CNPPD1: variants seen among roughly 807,000 people sequenced by gnomAD.
CNPPD1 encodes protein CNPPD1.
A neutral mutation model predicts 43.7 loss-of-function variants in CNPPD1; 40 were observed. The ratio of observed to expected loss-of-function variants is 0.92; its 90% CI spans 0.71 to 1.19. The LOEUF (loss-of-function observed/expected upper bound fraction) is 1.19, where lower values mean the gene tolerates loss of function less well. Among genes scored for constraint, CNPPD1 ranks in the 50% most tolerant of loss-of-function variants. The probability of loss-of-function intolerance (pLI) is 0.00; values close to 1 mark genes in which losing one functional copy is unlikely to be tolerated. For missense variants in CNPPD1, 511 were observed against 518.5 expected (o/e 0.99, Z 0.14); for synonymous variants, 208 against 214.3 (o/e 0.97, Z 0.26).
chr2:219,172,393 C>T lies in CNPPD1; in HGVS notation c.*193G>A. On this transcript the variant is annotated 3_prime_UTR_variant, in exon 8 of 8. Coordinates refer to ENST00000360507, the MANE Select transcript of CNPPD1 (RefSeq NM_015680.6). Reference sequence around the variant, plus strand: ...TCCCTGGCGGCATCACTGTCCTGGCCAAGCAGCCAGCCACTGCGATCTAGG... The same window carrying T: ...TCCCTGGCGGCATCACTGTCCTGGCTAAGCAGCCAGCCACTGCGATCTAGG... The T allele has an allele frequency of 1.5e-6, 1 of 655,256 alleles. No individual in the cohort carries two copies. Among genetic ancestry groups the T allele is most frequent in the Non-Finnish European group, 2.7e-6 (1 of 375,836 alleles). The allele number at this position is 655,256 out of a possible 1,614,324, so 40.6% of individuals were successfully genotyped here.
rs764464830 is a variant in CNPPD1, at chr2:219,173,361, G to T, written c.679C>A (p.Arg227=). The part of the protein sequence containing the change: ...WQLALGSLCQ[R]LVKLSCLLAV... ...GAGCCCCTCCTCACCTTTACCAGCC[G>T]CTGGCAGAGGGAGCCCAGGGCCAAC... The change falls in exon 7 of 8, where the codon CGG becomes AGG. Residue 227 remains arginine, a synonymous_variant. Coordinates refer to ENST00000360507, the MANE Select transcript of CNPPD1 (RefSeq NM_015680.6). 2 of 1,612,944 alleles carry T rather than the reference G, an allele frequency of 1.2e-6. No homozygotes were observed. Among genetic ancestry groups the T allele is most frequent in the South Asian group, 2.2e-5 (2 of 91,026 alleles).
chr2:219,178,105 C>T, upstream of CNPPD1: 1 of 246,842 alleles, frequency 4.1e-6, no homozygotes, highest in East Asian at 8.7e-5. Flanking sequence ...GGTACTTCGT[C>T]AACCAGAAAA....
chr2:219,174,121 C>A, intron 6 of CNPPD1, 25 bp downstream of exon 6: 1 of 1,613,496 alleles, frequency 6.2e-7, no homozygotes, highest in Non-Finnish European at 8.5e-7. Flanking sequence ...CCCTCGAGCC[C>A]TTCTTCCCAA....
chr2:219,172,555 A>G lies in CNPPD1; in HGVS notation c.*31T>C. Reference sequence around the variant, plus strand: ...TCCTCCAGGTTCTCAGAAACTCCCAAACCCTCTTAATGCATTCCTCACAGC... The same window carrying G: ...TCCTCCAGGTTCTCAGAAACTCCCAGACCCTCTTAATGCATTCCTCACAGC... On this transcript the variant is annotated 3_prime_UTR_variant, in exon 8 of 8. Coordinates refer to ENST00000360507, the MANE Select transcript of CNPPD1 (RefSeq NM_015680.6). 1.2e-6 allele frequency: 2 copies of G among 1,611,908 alleles called. No homozygotes were observed. Among genetic ancestry groups the G allele is most frequent in the Non-Finnish European group, 8.5e-7 (1 of 1,178,180 alleles).
chr2:219,175,396 C>G (rs1398612717), intron 3 of CNPPD1, among the ~76,000 whole-genome samples, 195 bp downstream of exon 3: 1 of 151,574 alleles, frequency 6.6e-6, no homozygotes, highest in African/African-American at 2.4e-5. Context: ...ACTGGGGAGG[C>G]TGAGGCACAA....
At chr2:219,173,155 G>GA (rs1273609720) in intron 7 of CNPPD1, 27 bp from the exon 8 acceptor site, 2 of 1,539,046 alleles carry the variant, frequency 1.3e-6, no homozygotes, top group Non-Finnish European at 1.7e-6. Context: ...AAGAAAGAAG[G>GA]AATCTGTCTT....
At chr2:219,176,456 C>T in intron 1 of CNPPD1, 125 bp from the exon 2 acceptor site, 1 of 722,508 alleles carries the variant, frequency 1.4e-6, no homozygotes. Context: ...CGTGCCTTAC[C>T]CAGACCCGCG....
intron 5 of CNPPD1, 112 bp from the exon 6 acceptor site, chr2:219,174,319 A>C (rs1207898549): frequency 9.5e-7 from 1 of 1,055,088 alleles, no homozygotes; most frequent in South Asian, 1.3e-5. Flanking sequence ...CATATTTGGC[A>C]CTTACCATGT....
At position 219,172,673 on chromosome 2, in the gene CNPPD1, C is replaced by G. The variant is rs368212135; in HGVS notation, c.1146G>C (p.Val382=). The G allele has an allele frequency of 6.2e-7, 1 of 1,614,078 alleles. No individual in the cohort carries two copies. The highest frequency in any genetic ancestry group is 8.5e-7 in the Non-Finnish European group (1 of 1,179,974). Residue 382 remains valine, a synonymous_variant, in exon 8 of 8, where the codon GTG becomes GTC. Coordinates refer to ENST00000360507, the MANE Select transcript of CNPPD1 (RefSeq NM_015680.6). ...GLAPPWPWSP[V]LLSLPQPQQC... ...GCTGAGGCTGAGGAAGTGAAAGGAGCACCGGGCTCCAAGGCCAGGGGGGAG... is the reference window on the plus strand; with the variant it reads ...GCTGAGGCTGAGGAAGTGAAAGGAGGACCGGGCTCCAAGGCCAGGGGGGAG...
chr2:219,177,515 G>A (rs1411937475), upstream of CNPPD1, among the ~76,000 whole-genome samples: 1 of 152,074 alleles, frequency 6.6e-6, no homozygotes, highest in African/African-American at 2.4e-5. Flanking sequence ...ATTTAGCAGT[G>A]GGTGAACTAT....
chr2:219,176,014 G>A (rs910058293), intron 2 of CNPPD1, among the ~76,000 whole-genome samples: 13 of 152,214 alleles, frequency 8.5e-5, no homozygotes, highest in African/African-American at 3.1e-4. Context: ...TAAATCAAGA[G>A]TGATTTGTAT....
chr2:219,173,268 G>A lies in CNPPD1; in HGVS notation c.690+82C>T, dbSNP rs902433610. 7 of 1,460,704 alleles carry A rather than the reference G, an allele frequency of 4.8e-6. No homozygotes were observed. In the African/African-American group the frequency reaches 7.0e-5, roughly 15 times the overall value. 90.5% of individuals were successfully genotyped at this position (1,460,704 alleles called of 1,614,324 possible). A position where few individuals can be genotyped will look rare whatever the true frequency, so the allele number is the denominator to read the frequency against. Reference sequence around the variant, plus strand: ...CATCTATTCCCAACCCCATCTCCTGGGCTTTTCAGCAATCACTTCACACCA... The same window carrying A: ...CATCTATTCCCAACCCCATCTCCTGAGCTTTTCAGCAATCACTTCACACCA... On this transcript the variant is annotated intron_variant, in intron 7 of 7. Transcript: ENST00000360507.
intron 3 of CNPPD1, 51 bp downstream of exon 3, chr2:219,175,540 C>G: frequency 7.0e-7 from 1 of 1,433,508 alleles, no homozygotes; most frequent in Non-Finnish European, 9.7e-7. Context: ...AGACGATTCC[C>G]CTTTCTCTAG....
At chr2:219,177,590 C>T (rs1008005539), upstream of CNPPD1, 4 of 151,678 alleles carry the variant, frequency 2.6e-5, no homozygotes, top group Admixed American at 6.6e-5. Context: ...AAACCTAAGG[C>T]TACTGAGGAA....
In CNPPD1 at chr2:219,173,378, A is replaced by C. The variant is rs984033447; in HGVS notation, c.662T>G (p.Leu221Arg). ...TACCAGCCGCTGGCAGAGGGAGCCC[A>C]GGGCCAACTGCCAGGTCGGCTGCTC... ...LLEQPTWQLA[L>R]GSLCQRLVKL... The change falls in exon 7 of 8, where the codon CTG becomes CGG. Residue 221 changes from leucine to arginine, a missense_variant. Transcript: ENST00000360507. 1.2e-6 allele frequency: 2 copies of C among 1,613,448 alleles called. No homozygotes were observed. The highest frequency in any genetic ancestry group is 2.7e-5 in the African/African-American group (2 of 74,916).
At position 219,172,257 on chromosome 2, in the gene CNPPD1, T is replaced by C. The variant is rs927845774; in HGVS notation, c.*329A>G. 2.1e-5 allele frequency: 8 copies of C among 382,044 alleles called. No individual in the cohort carries two copies. Among genetic ancestry groups the C allele is most frequent in the Middle Eastern group, 7.8e-4 (1 of 1,278 alleles). The allele number at this position is 382,044 out of a possible 1,614,324, so 23.7% of individuals were successfully genotyped here. A position where few individuals can be genotyped will look rare whatever the true frequency, so the allele number is the denominator to read the frequency against. On this transcript the variant is annotated 3_prime_UTR_variant, in exon 8 of 8. Transcript: ENST00000360507. ...CCCCACTTCCCTTATCTCCCACCTA[T>C]ACTCTTCCATCCTAGGGAAATCAAA...
intron 6 of CNPPD1, among the ~76,000 whole-genome samples, chr2:219,173,842 A>G (rs578225674): frequency 6.6e-6 from 1 of 151,960 alleles, no homozygotes; most frequent in Non-Finnish European, 1.5e-5. Context: ...GCATCTTGCT[A>G]TATTGCCCAG....
rs565718778 is a variant in CNPPD1, at chr2:219,172,410, C to T, written c.*176G>A. 17 of 700,612 alleles carry T rather than the reference C, an allele frequency of 2.4e-5. No individual in the cohort carries two copies. The highest frequency in any genetic ancestry group is 3.6e-5 in the African/African-American group (2 of 56,326). The allele number at this position is 700,612 out of a possible 1,614,324, so 43.4% of individuals were successfully genotyped here. A position where few individuals can be genotyped will look rare whatever the true frequency, so the allele number is the denominator to read the frequency against. On this transcript the variant is annotated 3_prime_UTR_variant, in exon 8 of 8. Transcript: ENST00000360507. ...GTCCTGGCCAAGCAGCCAGCCACTGCGATCTAGGAGTGAATTACCTTCAGT... is the reference window on the plus strand; with the variant it reads ...GTCCTGGCCAAGCAGCCAGCCACTGTGATCTAGGAGTGAATTACCTTCAGT...
chr2:219,176,238 A>T lies in CNPPD1; in HGVS notation c.163T>A (p.Ser55Thr). The T allele has an allele frequency of 6.2e-7, 1 of 1,613,434 alleles. No homozygotes were observed. The highest frequency in any genetic ancestry group is 8.5e-7 in the Non-Finnish European group (1 of 1,179,350). Residue 55 changes from serine (S) to threonine (T), a missense_variant, in exon 2 of 8, where the codon TCC becomes ACC. Physicochemically the swap from Ser to Thr is moderately conservative, Grantham distance 58. Coordinates refer to ENST00000360507, the MANE Select transcript of CNPPD1 (RefSeq NM_015680.6). ...ACTGCCTAACCTGCCACCGGGCTGGAGAGCTCCTCCAGGCTACAGTCGGCT... is the reference window on the plus strand; with the variant it reads ...ACTGCCTAACCTGCCACCGGGCTGGTGAGCTCCTCCAGGCTACAGTCGGCT... ...WEADCSLEEL[S>T]SPVADIAVEL...
Sources: allele counts gnomAD v4.1 joint callset (sites outside exome capture counted in the v4.1 genomes callset), GRCh38; gene constraint gnomAD v4.1.1; transcripts MANE v1.5; gene names NCBI Gene and HGNC (gene_info 2026-07-23, HGNC 2026-07-21).